SNRK: variants seen among roughly 807,000 people sequenced by gnomAD.
SNRK encodes SNF related kinase.
A neutral mutation model predicts 48.2 loss-of-function variants in SNRK; 3 were observed. The ratio of observed to expected loss-of-function variants is 0.06; its 90% CI spans 0.03 to 0.16. The LOEUF (loss-of-function observed/expected upper bound fraction) is 0.16, where lower values mean the gene tolerates loss of function less well. Among genes scored for constraint, SNRK ranks in the 10% least tolerant of loss-of-function variants. The pLI is 1.00. For synonymous variants in SNRK, 376 were observed against 366.1 expected (o/e 1.03, Z -0.31); for missense variants, 627 against 976.0 (o/e 0.64, Z 4.76).
At chr3:43,329,439 A>G (rs2091128995) in intron 3 of SNRK, among the ~76,000 whole-genome samples, 1 of 149,012 alleles carries the variant, frequency 6.7e-6, no homozygotes, top group Non-Finnish European at 1.5e-5. Context: ...CTCCGTCTCA[A>G]AAAAAAAAAA....
At chr3:43,301,855 A>G (rs940566932) in intron 2 of SNRK, among the ~76,000 whole-genome samples, 1 of 152,208 alleles carries the variant, frequency 6.6e-6, no homozygotes. Flanking sequence ...GTTCTATTAA[A>G]TGTTGGTCAG....
chr3:43,295,445 C>G (rs2090845493), intron 1 of SNRK, among the ~76,000 whole-genome samples: 1 of 152,200 alleles, frequency 6.6e-6, no homozygotes, highest in Non-Finnish European at 1.5e-5. Context: ...AAGCAGCTAC[C>G]TTGTCTTGGA....
intron 3 of SNRK, among the ~76,000 whole-genome samples, chr3:43,329,707 T>C (rs1048928618): frequency 2.6e-5 from 4 of 152,214 alleles, no homozygotes; most frequent in African/African-American, 9.7e-5. Flanking sequence ...TTTATGTTGC[T>C]TTTCTTCTTT....
rs552541408 is a variant in SNRK at position 43,312,206 on chromosome 3, A to G, written c.589+8414A>G. Among the ~76,000 whole-genome samples the G allele has an allele frequency of 1.1e-4, 16 of 152,298 alleles. 1 individual carries two copies. Among genetic ancestry groups the G allele is most frequent in the South Asian group, 6.2e-4 (3 of 4,818 alleles). On this transcript the variant is annotated intron_variant, in intron 3 of 6. Transcript: ENST00000296088. ...CTTACTACCAATTATGCAATAATCA[A>G]TGAAAGCTGAATTACTTGAAACATG...
At chr3:43,316,377 C>G (rs1055454132) in intron 3 of SNRK, among the ~76,000 whole-genome samples, 4 of 151,868 alleles carry the variant, frequency 2.6e-5, no homozygotes, top group African/African-American at 9.7e-5. Context: ...TGCCTGGGCC[C>G]CACCCCCAGA....
intron 1 of SNRK, among the ~76,000 whole-genome samples, chr3:43,290,265 T>G (rs2090800719): frequency 6.6e-6 from 1 of 152,202 alleles, no homozygotes; most frequent in Non-Finnish European, 1.5e-5. Flanking sequence ...AATCTAATCT[T>G]TAATTTGTTG....
intron 3 of SNRK, among the ~76,000 whole-genome samples, chr3:43,331,055 A>AT (rs2091142597): frequency 1.3e-5 from 2 of 152,208 alleles, no homozygotes; most frequent in African/African-American, 4.8e-5. Flanking sequence ...AACCTACATT[A>AT]TTTTGGGTGT....
At chr3:43,287,148 A>T (rs1317212309) in intron 1 of SNRK, among the ~76,000 whole-genome samples, 1 of 152,180 alleles carries the variant, frequency 6.6e-6, no homozygotes, top group East Asian at 1.9e-4. Flanking sequence ...GGCCTCAGCA[A>T]AAGGGTTCCG....
In SNRK at chr3:43,293,950, G is replaced by C. The variant is rs78379813; in HGVS notation, c.-168-5804G>C. Among the ~76,000 whole-genome samples, 381 of 152,082 alleles carry C rather than the reference G, an allele frequency of 2.5e-3. 1 individual carries two copies. The highest frequency in any genetic ancestry group is 8.5e-3 in the African/African-American group (352 of 41,494). ...AAAAAAAAGATTGGAATTACATGCTGTGAAGTTTGGTATATACAATTTTTT... is the reference window on the plus strand; with the variant it reads ...AAAAAAAAGATTGGAATTACATGCTCTGAAGTTTGGTATATACAATTTTTT... On this transcript the variant is annotated intron_variant, in intron 1 of 6. Coordinates refer to ENST00000296088, the MANE Select transcript of SNRK (RefSeq NM_017719.5).
At chr3:43,334,337 T>C (rs1269963197) in intron 4 of SNRK, among the ~76,000 whole-genome samples, 4 of 151,862 alleles carry the variant, frequency 2.6e-5, no homozygotes, top group African/African-American at 9.7e-5. Flanking sequence ...GGCTCACGCC[T>C]GTGGTCTCAG....
chr3:43,329,303 T>A (rs1472698501), intron 3 of SNRK, among the ~76,000 whole-genome samples: 1 of 152,184 alleles, frequency 6.6e-6, no homozygotes, highest in East Asian at 1.9e-4. Flanking sequence ...CCGGGTGTGG[T>A]GGCGGGTGCC....
At position 43,350,462 on chromosome 3, in the gene SNRK, A is replaced by G. The variant is rs1404117101; in HGVS notation, c.*1905A>G. ...GTATAGCCTTGGAATGGCACCTTTT[A>G]ACTAACCCATATGTGTTTGGTTTCA... is the stretch of plus-strand genomic sequence containing the variant. On this transcript the variant is annotated 3_prime_UTR_variant, in exon 7 of 7. Transcript: ENST00000296088. The G allele has an allele frequency of 6.6e-6, 1 of 152,668 alleles. No individual in the cohort carries two copies. Among genetic ancestry groups the G allele is most frequent in the African/African-American group, 2.4e-5 (1 of 41,468 alleles). 9.5% of individuals were successfully genotyped at this position (152,668 alleles called of 1,614,324 possible).
chr3:43,295,014 G>T (rs2090841730), intron 1 of SNRK, among the ~76,000 whole-genome samples: 1 of 152,094 alleles, frequency 6.6e-6, no homozygotes, highest in Admixed American at 6.5e-5. Flanking sequence ...CTTAATGCTG[G>T]AGTTGTCACC....
chr3:43,341,289 T>C (rs958305783), intron 5 of SNRK, among the ~76,000 whole-genome samples: 1 of 152,152 alleles, frequency 6.6e-6, no homozygotes, highest in Non-Finnish European at 1.5e-5. Flanking sequence ...TAGCTGGGAC[T>C]ACAGGTGCCT....
chr3:43,348,609 C>T lies in SNRK; in HGVS notation c.*52C>T, dbSNP rs765706581. 9 of 1,455,276 alleles carry T rather than the reference C, an allele frequency of 6.2e-6. No homozygotes were observed. The highest frequency in any genetic ancestry group is 2.9e-5 in the African/African-American group (2 of 70,032). The allele number at this position is 1,455,276 out of a possible 1,614,324, so 90.1% of individuals were successfully genotyped here. On this transcript the variant is annotated 3_prime_UTR_variant, in exon 7 of 7. Transcript: ENST00000296088. ...GCTTCCTGCTCAGAGCAGTGAAGACCGGCTCACTTCACTGTTCCATTTGGT... is the reference window on the plus strand; with the variant it reads ...GCTTCCTGCTCAGAGCAGTGAAGACTGGCTCACTTCACTGTTCCATTTGGT...
chr3:43,314,414 A>G (rs2091000345), intron 3 of SNRK, among the ~76,000 whole-genome samples: 3 of 152,200 alleles, frequency 2.0e-5, no homozygotes, highest in South Asian at 4.1e-4. Flanking sequence ...AAATTGAGAC[A>G]TTCTTTATAG....
intron 5 of SNRK, among the ~76,000 whole-genome samples, chr3:43,342,840 A>C (rs1204662267): frequency 6.6e-6 from 1 of 152,226 alleles, no homozygotes; most frequent in Non-Finnish European, 1.5e-5. Context: ...AATTTCTTTA[A>C]TAATTCTGTA....
intron 3 of SNRK, among the ~76,000 whole-genome samples, chr3:43,318,154 T>C (rs1357239785): frequency 1.3e-5 from 2 of 152,156 alleles, no homozygotes; most frequent in Non-Finnish European, 2.9e-5. Context: ...CTTGTCCCCT[T>C]TGGAAATTTG....
At chr3:43,331,005 A>G (rs1459305336) in intron 3 of SNRK, among the ~76,000 whole-genome samples, 1 of 152,178 alleles carries the variant, frequency 6.6e-6, no homozygotes, top group Non-Finnish European at 1.5e-5. Flanking sequence ...CAAGGAAAAG[A>G]TATTTTATTA....
Sources: gnomAD v4.1 joint callset for allele counts (sites outside exome capture counted in the v4.1 genomes callset) on GRCh38, gnomAD v4.1.1 for gene constraint, MANE v1.5 for transcripts, NCBI Gene and HGNC (gene_info 2026-07-23, HGNC 2026-07-21) for gene names.